UBIAD1: variants seen among roughly 807,000 people sequenced by gnomAD.
UBIAD1 encodes the protein UbiA prenyltransferase domain containing 1, also known as ubiA prenyltransferase domain-containing protein 1.
Under a neutral mutation model 20.1 loss-of-function variants are expected in UBIAD1, and 12 were observed. That is an observed-to-expected ratio of 0.60 (90% CI 0.38 to 0.97). The LOEUF is 0.97. UBIAD1 is among the 50% of genes least tolerant of loss of function. The pLI, the probability that UBIAD1 is intolerant of heterozygous loss-of-function variation, is 0.00. For missense variants in UBIAD1, 333 were observed against 419.5 expected, an observed-to-expected ratio of 0.79 and a Z score of 1.80; for synonymous variants, 207 against 189.2, an observed-to-expected ratio of 1.09 and a Z score of -0.77.
At chr1:11,275,599 C>T (rs1651993350) in intron 1 of UBIAD1, among the ~76,000 whole-genome samples, 1 of 152,002 alleles carries the variant, frequency 6.6e-6, no homozygotes, top group Non-Finnish European at 1.5e-5. Context: ...AAAATATTAG[C>T]TGGGCATGGT....
At chr1:11,277,112 C>CT (rs1235098909) in intron 1 of UBIAD1, among the ~76,000 whole-genome samples, 1 of 152,146 alleles carries the variant, frequency 6.6e-6, no homozygotes, top group African/African-American at 2.4e-5. Context: ...TGGTGCATGC[C>CT]TGTAGTCCCA....
At chr1:11,278,502 C>A in intron 1 of UBIAD1, 2 of 477,186 alleles carry the variant, frequency 4.2e-6, no homozygotes. Context: ...TGTTTACCAG[C>A]CGGAGTTCTT....
At chr1:11,289,470 CAG>C (rs1638325884), downstream of UBIAD1, among the ~76,000 whole-genome samples, 1 of 151,986 alleles carries the variant, frequency 6.6e-6, no homozygotes, top group African/African-American at 2.4e-5. Flanking sequence ...GCATAAACAT[CAG>C]AGAGGGGGAG....
At chr1:11,282,470 A>C (rs1652270958) in intron 1 of UBIAD1, among the ~76,000 whole-genome samples, 1 of 151,988 alleles carries the variant, frequency 6.6e-6, no homozygotes, top group South Asian at 2.1e-4. Flanking sequence ...TTCTTGTGTC[A>C]GATAACCAGA....
downstream of UBIAD1, among the ~76,000 whole-genome samples, chr1:11,293,252 C>G (rs908399485): frequency 5.3e-5 from 8 of 152,248 alleles, no homozygotes; most frequent in Admixed American, 5.2e-4. Context: ...AAGGGGTCCT[C>G]CAAATTCCGC....
At chr1:11,284,158 A>T (rs1431381032) in intron 1 of UBIAD1, among the ~76,000 whole-genome samples, 1 of 152,202 alleles carries the variant, frequency 6.6e-6, no homozygotes, top group Non-Finnish European at 1.5e-5. Flanking sequence ...GCATATTGCC[A>T]TGGGAGCATA....
downstream of UBIAD1, among the ~76,000 whole-genome samples, chr1:11,299,490 TC>T (rs1638502343): frequency 6.6e-6 from 1 of 152,238 alleles, no homozygotes. Context: ...AACACTTCTT[TC>T]TTTTGAAGGG....
At position 11,273,950 on chromosome 1, in the gene UBIAD1, C is replaced by T. The variant is rs1442054620; in HGVS notation, c.419C>T (p.Thr140Met). Residue 140 changes from threonine (T) to methionine (M), a missense_variant, in exon 1 of 2, where the codon ACG becomes ATG. By Grantham distance (81) the Thr-to-Met change is moderately conservative. Around this residue, in one of 3 missense-constraint regions of UBIAD1, gnomAD observed 226 missense variants for 263.5 expected, o/e 0.86. Transcript: ENST00000376810. This position sits in a 1 kb window ranked among gnomAD's most constrained non-coding sequence, Gnocchi z 4.9. ...GTCCGGTTCGGAGTCTTCCTCTACA[C>T]GTTGGGCTGCGTCTGTGCCGCTTGC... is the stretch of plus-strand genomic sequence containing the variant. ...DVVRFGVFLY[T>M]LGCVCAACLY... The T allele has an allele frequency of 1.5e-5, 24 of 1,614,108 alleles. No individual in the cohort carries two copies. The South Asian group carries it at 1.6e-4, about 11-fold the overall frequency.
intron 1 of UBIAD1, among the ~76,000 whole-genome samples, chr1:11,293,934 A>C (rs1024536553): frequency 6.6e-6 from 1 of 152,092 alleles, no homozygotes; most frequent in African/African-American, 2.4e-5. Flanking sequence ...CAGCCTCCCA[A>C]AGTGCTTGGA....
At chr1:11,278,319 A>T (rs1652126379) in intron 1 of UBIAD1, among the ~76,000 whole-genome samples, 1 of 152,066 alleles carries the variant, frequency 6.6e-6, no homozygotes, top group Non-Finnish European at 1.5e-5. Flanking sequence ...GCCATCTGAC[A>T]CTTCTTACCA....
downstream of UBIAD1, among the ~76,000 whole-genome samples, chr1:11,296,410 T>G (rs910392876): frequency 2.0e-5 from 3 of 152,050 alleles, no homozygotes; most frequent in Non-Finnish European, 2.9e-5. Context: ...CAAAGGAGGA[T>G]GATAGGATTT....
At chr1:11,275,333 C>T (rs777788626) in intron 1 of UBIAD1, among the ~76,000 whole-genome samples, 1 of 152,102 alleles carries the variant, frequency 6.6e-6, no homozygotes, top group Non-Finnish European at 1.5e-5. Context: ...TTGAATTGAT[C>T]ACCCTGATTA....
intron 1 of UBIAD1, chr1:11,278,641 C>T (rs368237742): frequency 6.8e-7 from 1 of 1,479,040 alleles, no homozygotes; most frequent in Non-Finnish European, 9.0e-7. Context: ...CTTCCAGTGG[C>T]TGTGGAAGCT....
At position 11,285,853 on chromosome 1, in the gene UBIAD1, ACGCTGGCCATCCTCAT is replaced by A; in HGVS notation, c.742_757del (p.Leu248AlafsTer104). ...GTCCGACCGGGAGGCTGGTATCGTC[ACGCTGGCCATCCTCAT>A]CGGCCCCACGTTCTCCTACATTCTC... On this transcript the variant is annotated frameshift_variant, in exon 2 of 2. Transcript: ENST00000376810. LOFTEE classifies it high-confidence loss of function. The surrounding 1 kb of genome is among the most constrained non-coding windows in gnomAD (Gnocchi z 4.4). 2 of 1,614,136 alleles carry A rather than the reference ACGCTGGCCATCCTCAT, an allele frequency of 1.2e-6. No homozygotes were observed. Among genetic ancestry groups the A allele is most frequent in the Non-Finnish European group, 1.7e-6 (2 of 1,180,018 alleles).
intron 1 of UBIAD1, chr1:11,278,535 G>T: frequency 1.2e-6 from 1 of 802,416 alleles, no homozygotes; most frequent in Non-Finnish European, 1.7e-6. Context: ...TGGGTATTTT[G>T]CATTGTGATA....
rs777958656 is a variant in UBIAD1, at chr1:11,286,595, CAG to C, written c.*465_*466del. 10 of 229,226 alleles carry C rather than the reference CAG, an allele frequency of 4.4e-5. No homozygotes were observed. The highest frequency in any genetic ancestry group is 1.0e-4 in the Admixed American group (2 of 19,082). The allele number at this position is 229,226 out of a possible 1,614,324, so 14.2% of individuals were successfully genotyped here. On this transcript the variant is annotated 3_prime_UTR_variant, in exon 2 of 2. Coordinates refer to ENST00000376810, the MANE Select transcript of UBIAD1 (RefSeq NM_013319.3). ...TGATTGGTGCCAGGCCTCACTAACA[CAG>C]GGGCTACCTGTCTCTTATTCTCAGC...
chr1:11,285,233 G>A lies in UBIAD1; in HGVS notation c.530-411G>A, dbSNP rs988634100. On this transcript the variant is annotated intron_variant, in intron 1 of 1. Transcript: ENST00000376810. The surrounding 1 kb of genome is among the most constrained non-coding windows in gnomAD (Gnocchi z 4.4). ...TAGAAGGCCAGAGTGGCTATTCTGTGAGGGATTGATCTCACGGGGTCTTGC... is the reference window on the plus strand; with the variant it reads ...TAGAAGGCCAGAGTGGCTATTCTGTAAGGGATTGATCTCACGGGGTCTTGC... Among the ~76,000 whole-genome samples the A allele has an allele frequency of 1.3e-4, 20 of 152,230 alleles. No individual in the cohort carries two copies. The highest frequency in any genetic ancestry group is 7.9e-4 in the Admixed American group (12 of 15,286).
At position 11,273,572 on chromosome 1, in the gene UBIAD1, T is replaced by G. The variant is rs762090269; in HGVS notation, c.41T>G (p.Leu14Arg). The G allele has an allele frequency of 1.5e-5, 24 of 1,613,354 alleles. No homozygotes were observed. The highest frequency in any genetic ancestry group is 1.9e-5 in the Non-Finnish European group (22 of 1,180,052). The change falls in exon 1 of 2, where the codon CTG (leucine) becomes CGG (arginine). Residue 14 changes from leucine (L) to arginine (R), a missense_variant. By Grantham distance (102) the Leu-to-Arg change is moderately radical. Coordinates refer to ENST00000376810, the MANE Select transcript of UBIAD1 (RefSeq NM_013319.3). This position sits in a 1 kb window ranked among gnomAD's most constrained non-coding sequence, Gnocchi z 4.9. Reference protein sequence around the residue: ...SQVLGEKINILSGETVKAGDR... With the variant: ...SQVLGEKINIRSGETVKAGDR... ...GTCCTGGGGGAGAAGATTAACATCCTGTCGGGAGAGACTGTCAAAGCTGGG... is the reference window on the plus strand; with the variant it reads ...GTCCTGGGGGAGAAGATTAACATCCGGTCGGGAGAGACTGTCAAAGCTGGG...
chr1:11,278,605 C>T, intron 1 of UBIAD1: 2 of 1,390,824 alleles, frequency 1.4e-6, no homozygotes, highest in Non-Finnish European at 1.9e-6. Flanking sequence ...TTGAGATCCA[C>T]TAAAATTAAT....
Sources: allele counts gnomAD v4.1 joint callset (sites outside exome capture counted in the v4.1 genomes callset), GRCh38; gene constraint gnomAD v4.1.1; regional missense constraint gnomAD v4.1.1; non-coding constraint Gnocchi (gnomAD v3.1); transcripts MANE v1.5; gene names NCBI Gene and HGNC (gene_info 2026-07-23, HGNC 2026-07-21).